The following HSPBAP1 variants were observed in gnomAD, a reference collection of about 807,000 sequenced individuals.
HSPBAP1 encodes HSPB1-associated protein 1.
A neutral mutation model predicts 45.2 loss-of-function variants in HSPBAP1; 27 were observed. The ratio of observed to expected loss-of-function variants is 0.60; its 90% CI spans 0.44 to 0.82. The LOEUF (loss-of-function observed/expected upper bound fraction) is 0.82. Among genes scored for constraint, HSPBAP1 ranks in the 40% least tolerant of loss-of-function variants. The probability of loss-of-function intolerance (pLI) is 0.00; values close to 1 mark genes in which losing one functional copy is unlikely to be tolerated. For missense variants in HSPBAP1, 510 were observed against 590.9 expected, an observed-to-expected ratio of 0.86 and a Z score of 1.42; for synonymous variants, 204 against 202.7, an observed-to-expected ratio of 1.01 and a Z score of -0.06.
intron 6 of HSPBAP1, 129 bp downstream of exon 6, chr3:122,752,462 G>T: frequency 1.7e-6 from 1 of 593,468 alleles, no homozygotes; most frequent in Non-Finnish European, 2.9e-6. Context: ...ATAGTGCACT[G>T]CAACAAAAAA....
chr3:122,753,510 T>A (rs1057261963), intron 5 of HSPBAP1: 2 of 983,574 alleles, frequency 2.0e-6, no homozygotes, highest in Non-Finnish European at 2.4e-6. Flanking sequence ...AAGGTCCACT[T>A]ATTAAACGTT....
chr3:122,780,550 G>A (rs1423921272), intron 1 of HSPBAP1, among the ~76,000 whole-genome samples: 14 of 139,420 alleles, frequency 1.0e-4, no homozygotes, highest in Admixed American at 9.3e-4. Flanking sequence ...CTGGCCGGAC[G>A]GGGGGCTGAA....
At chr3:122,754,265 G>A (rs1192951288) in intron 5 of HSPBAP1, 1 of 152,876 alleles carries the variant, frequency 6.5e-6, no homozygotes, top group Non-Finnish European at 1.5e-5. Flanking sequence ...TAAACAAAAT[G>A]TTGTATATCC....
rs1385197837 is a variant in HSPBAP1, at chr3:122,765,907, A to G, written c.432+2794T>C. ...ATGAACCTTTAAGAAACTACCCCTC[A>G]TCAAGTTTGGTGTGTGTGGTATAAA... On this transcript the variant is annotated intron_variant, in intron 3 of 7. Coordinates refer to ENST00000306103, the MANE Select transcript of HSPBAP1 (RefSeq NM_024610.6). 3.3e-5 allele frequency among the ~76,000 whole-genome samples: 5 copies of G among 152,206 alleles called. No homozygotes were observed. The East Asian group carries it at 9.6e-4, about 29-fold the overall frequency.
intron 7 of HSPBAP1, 24 bp downstream of exon 7, chr3:122,740,979 T>C (rs757002231): frequency 6.2e-7 from 1 of 1,608,300 alleles, no homozygotes; most frequent in South Asian, 1.1e-5. Context: ...CTAACTGCCA[T>C]GATGAAGACC....
intron 2 of HSPBAP1, among the ~76,000 whole-genome samples, chr3:122,773,422 GC>G (rs1183206691): frequency 6.9e-6 from 1 of 144,184 alleles, no homozygotes; most frequent in African/African-American, 2.6e-5. Flanking sequence ...CGAGTCTCAC[GC>G]CTCACCTCCC....
chr3:122,779,371 G>A (rs1935323487), intron 1 of HSPBAP1, among the ~76,000 whole-genome samples: 1 of 151,704 alleles, frequency 6.6e-6, no homozygotes, highest in Non-Finnish European at 1.5e-5. Context: ...TTGAACAATA[G>A]TCTGTTCAAT....
chr3:122,779,955 C>T (rs1576270592), intron 1 of HSPBAP1, among the ~76,000 whole-genome samples: 1 of 152,216 alleles, frequency 6.6e-6, no homozygotes, highest in East Asian at 1.9e-4. Flanking sequence ...CTTTTCCCCA[C>T]CTTTCCCCCC....
At chr3:122,787,333 A>G (rs1935689145) in intron 1 of HSPBAP1, among the ~76,000 whole-genome samples, 2 of 152,226 alleles carry the variant, frequency 1.3e-5, no homozygotes, top group Admixed American at 6.5e-5. Flanking sequence ...TTTCTCTGAG[A>G]ACGCCAACTA....
chr3:122,762,091 C>A (rs1453577937), intron 3 of HSPBAP1: 2 of 152,106 alleles, frequency 1.3e-5, no homozygotes, highest in African/African-American at 4.8e-5. Context: ...TATTCTACAC[C>A]ATCCCTGAAA....
chr3:122,745,659 T>C (rs1014817604), intron 6 of HSPBAP1, among the ~76,000 whole-genome samples: 2 of 152,222 alleles, frequency 1.3e-5, no homozygotes, highest in African/African-American at 4.8e-5. Context: ...AGTGCCTATA[T>C]TCAAGGAACC....
chr3:122,748,186 T>C (rs1483888054), intron 6 of HSPBAP1, among the ~76,000 whole-genome samples: 1 of 152,116 alleles, frequency 6.6e-6, no homozygotes, highest in Non-Finnish European at 1.5e-5. Context: ...GAAGGCAGCG[T>C]GCTCGTTGAG....
intron 4 of HSPBAP1, chr3:122,758,709 CACAG>C (rs1934443225): frequency 4.4e-6 from 2 of 453,340 alleles, no homozygotes; most frequent in African/African-American, 4.0e-5. Context: ...ACTTGGGCAA[CACAG>C]AAAGACTCCA....
In HSPBAP1 at chr3:122,777,718, T is replaced by C. The variant is rs1353920293; in HGVS notation, c.250+3A>G. 6 of 1,609,644 alleles carry C rather than the reference T, an allele frequency of 3.7e-6. No homozygotes were observed. Among genetic ancestry groups the C allele is most frequent in the Non-Finnish European group, 5.1e-6 (6 of 1,176,312 alleles). ...TTATGATGGTGATTACCTATAGTCATACCTGTGCTCATGCTTTTCATCCCC... is the reference window on the plus strand; with the variant it reads ...TTATGATGGTGATTACCTATAGTCACACCTGTGCTCATGCTTTTCATCCCC... On this transcript the variant is annotated splice_donor_region_variant and intron_variant, in intron 2 of 7. Coordinates refer to ENST00000306103, the MANE Select transcript of HSPBAP1 (RefSeq NM_024610.6).
chr3:122,740,563 A>G lies in HSPBAP1; in HGVS notation c.1249T>C (p.Phe417Leu). 1 of 1,614,198 alleles carries G rather than the reference A, an allele frequency of 6.2e-7. No homozygotes were observed. The highest frequency in any genetic ancestry group is 1.3e-5 in the African/African-American group (1 of 75,046). The change falls in exon 8 of 8, where the codon TTT becomes CTT. Residue 417 changes from phenylalanine (F) to leucine (L), a missense_variant. Physicochemically the swap from Phe to Leu is conservative, Grantham distance 22. Coordinates refer to ENST00000306103, the MANE Select transcript of HSPBAP1 (RefSeq NM_024610.6). ...AAGTGTTCTCCATCCTTGTCCACAAAGTCTTTCCCATCACTTCCAAATATG... is the reference window on the plus strand; with the variant it reads ...AAGTGTTCTCCATCCTTGTCCACAAGGTCTTTCCCATCACTTCCAAATATG... ...GGIFGSDGKD[F>L]VDKDGEHFGK...
chr3:122,759,330 C>T lies in HSPBAP1; in HGVS notation c.463G>A (p.Gly155Arg). 1.9e-6 allele frequency: 3 copies of T among 1,613,956 alleles called. No individual in the cohort carries two copies. Among genetic ancestry groups the T allele is most frequent in the Non-Finnish European group, 2.5e-6 (3 of 1,179,872 alleles). ...DVKWSDFGFPGRNGQESTLWI... is the reference protein window; with the variant it reads ...DVKWSDFGFPRRNGQESTLWI... ...AATGTACTTTCCTGTCCATTTCTTCCAGGAAACCCGAAGTCAGACCATTTC... is the reference window on the plus strand; with the variant it reads ...AATGTACTTTCCTGTCCATTTCTTCTAGGAAACCCGAAGTCAGACCATTTC... The change falls in exon 4 of 8, where the codon GGA becomes AGA. Residue 155 changes from glycine to arginine, a missense_variant. Gly to Arg is a moderately radical substitution (Grantham distance 125, BLOSUM62 -2). Coordinates refer to ENST00000306103, the MANE Select transcript of HSPBAP1 (RefSeq NM_024610.6).
At chr3:122,784,178 T>A (rs1404297070) in intron 1 of HSPBAP1, among the ~76,000 whole-genome samples, 3 of 152,088 alleles carry the variant, frequency 2.0e-5, no homozygotes, top group Non-Finnish European at 2.9e-5. Context: ...GTGGCATATT[T>A]GGGGGTGGCA....
intron 2 of HSPBAP1, among the ~76,000 whole-genome samples, chr3:122,771,802 A>G (rs1200948315): frequency 2.0e-5 from 3 of 152,254 alleles, no homozygotes; most frequent in Non-Finnish European, 4.4e-5. Flanking sequence ...CAAAAATGCC[A>G]ATTATTAACA....
chr3:122,779,552 C>A (rs1178365435), intron 1 of HSPBAP1, among the ~76,000 whole-genome samples: 2 of 143,264 alleles, frequency 1.4e-5, no homozygotes, highest in African/African-American at 5.1e-5. Context: ...GTGTTTCTCG[C>A]AGAGGGGGAT....
Sources: gnomAD v4.1 joint callset for allele counts (sites outside exome capture counted in the v4.1 genomes callset) on GRCh38, gnomAD v4.1.1 for gene constraint, MANE v1.5 for transcripts, NCBI Gene and HGNC (gene_info 2026-07-23, HGNC 2026-07-21) for gene names.